C8orf34: variants seen among roughly 807,000 people sequenced by gnomAD.
C8orf34 encodes chromosome 8 open reading frame 34.
A neutral mutation model predicts 68.3 loss-of-function variants in C8orf34; 65 were observed. That is an observed-to-expected ratio of 0.95 (90% CI 0.78 to 1.17). C8orf34 has a LOEUF of 1.17. C8orf34 is among the 50% of genes most tolerant of loss of function. The probability of loss-of-function intolerance (pLI) is 0.00; values close to 1 mark genes in which losing one functional copy is unlikely to be tolerated. For synonymous variants in C8orf34, 244 were observed against 241.2 expected (o/e 1.01, Z -0.11); for missense variants, 664 against 655.4 (o/e 1.01, Z -0.14).
intron 7 of C8orf34, among the ~76,000 whole-genome samples, chr8:68,621,747 G>A (rs1818395378): frequency 6.6e-6 from 1 of 152,150 alleles, no homozygotes; most frequent in South Asian, 2.1e-4. Context: ...GTTAGTCAAG[G>A]CAAAACTGCT....
At chr8:68,694,094 T>A (rs1005426661) in intron 8 of C8orf34, among the ~76,000 whole-genome samples, 2 of 152,082 alleles carry the variant, frequency 1.3e-5, no homozygotes, top group Non-Finnish European at 2.9e-5. Flanking sequence ...AAGCACCTCT[T>A]ATTAGGATTT....
At chr8:68,815,628 G>C (rs1333658145) in intron 12 of C8orf34, among the ~76,000 whole-genome samples, 1 of 152,156 alleles carries the variant, frequency 6.6e-6, no homozygotes, top group African/African-American at 2.4e-5. Context: ...AACACTATCT[G>C]GAGGGGCATT....
intron 6 of C8orf34, among the ~76,000 whole-genome samples, chr8:68,526,804 G>C (rs1428310866): frequency 1.3e-5 from 2 of 152,002 alleles, no homozygotes; most frequent in Admixed American, 6.6e-5. Context: ...CATGGAATCA[G>C]ATCAAACTAA....
intron 7 of C8orf34, among the ~76,000 whole-genome samples, chr8:68,538,655 T>C (rs925080699): frequency 6.6e-6 from 1 of 152,070 alleles, no homozygotes; most frequent in Non-Finnish European, 1.5e-5. Context: ...CAAAAATGTA[T>C]GTTTCCCACA....
At chr8:68,514,514 G>T (rs1377769644) in intron 5 of C8orf34, among the ~76,000 whole-genome samples, 1 of 152,028 alleles carries the variant, frequency 6.6e-6, no homozygotes, top group African/African-American at 2.4e-5. Flanking sequence ...CCCTTCTGAT[G>T]GTTTCTCTTC....
At chr8:68,446,080 G>A (rs561719638) in intron 2 of C8orf34, among the ~76,000 whole-genome samples, 3 of 152,176 alleles carry the variant, frequency 2.0e-5, no homozygotes, top group Admixed American at 6.5e-5. Flanking sequence ...GAACCACTGC[G>A]CCCAGCCAAT....
intron 12 of C8orf34, among the ~76,000 whole-genome samples, chr8:68,797,192 A>G (rs1585898793): frequency 6.6e-6 from 1 of 152,198 alleles, no homozygotes; most frequent in African/African-American, 2.4e-5. Flanking sequence ...TGCAGAATCT[A>G]TTAATTTTTG....
At chr8:68,470,874 G>A (rs143786747) in intron 4 of C8orf34, among the ~76,000 whole-genome samples, 25 of 152,176 alleles carry the variant, frequency 1.6e-4, no homozygotes, top group South Asian at 1.4e-3. Context: ...CCATCACATT[G>A]CGGATTAGAG....
chr8:68,781,303 G>A (rs1823671668), intron 11 of C8orf34, among the ~76,000 whole-genome samples: 1 of 152,124 alleles, frequency 6.6e-6, no homozygotes, highest in African/African-American at 2.4e-5. Flanking sequence ...CACTTATTCT[G>A]TTAGCAGATA....
At chr8:68,392,880 AG>A (rs1808531567) in intron 1 of C8orf34, among the ~76,000 whole-genome samples, 1 of 152,164 alleles carries the variant, frequency 6.6e-6, no homozygotes, top group Non-Finnish European at 1.5e-5. Context: ...AAAAAGCCTA[AG>A]GATTGAATGT....
chr8:68,768,307 G>A (rs748837041), intron 10 of C8orf34, among the ~76,000 whole-genome samples: 48 of 152,136 alleles, frequency 3.2e-4, no homozygotes, highest in Admixed American at 5.2e-4. Flanking sequence ...GGAATCAGCC[G>A]TGTTTTGAAA....
rs189555823 is a variant in C8orf34 at position 68,427,072 on chromosome 8, C to T, written c.328-12427C>T. Among the ~76,000 whole-genome samples the T allele has an allele frequency of 4.7e-4, 71 of 152,154 alleles. 2 individuals carry two copies. Among genetic ancestry groups the T allele is most frequent in the African/African-American group, 1.7e-3 (70 of 41,502 alleles). ...AAAGATGTAAGAATGGGCAAAATTA[C>T]GTATATATTGCAGATGTGAATGTAA... On this transcript the variant is annotated intron_variant, in intron 1 of 13. Transcript: ENST00000518698.
chr8:68,522,819 A>T (rs955045848), intron 6 of C8orf34, among the ~76,000 whole-genome samples: 3 of 152,176 alleles, frequency 2.0e-5, no homozygotes, highest in Non-Finnish European at 2.9e-5. Context: ...ATGTGACAGG[A>T]GTTTAAGCTT....
At chr8:68,408,398 G>A (rs534224179) in intron 1 of C8orf34, among the ~76,000 whole-genome samples, 2 of 151,704 alleles carry the variant, frequency 1.3e-5, no homozygotes, top group African/African-American at 2.4e-5. Context: ...AACCATCCCC[G>A]CCACACACCC....
chr8:68,510,644 A>T (rs1446080804), intron 5 of C8orf34, among the ~76,000 whole-genome samples: 1 of 152,224 alleles, frequency 6.6e-6, no homozygotes, highest in Non-Finnish European at 1.5e-5. Context: ...TGAGAAAAAA[A>T]ATCATAATAG....
At chr8:68,368,598 TG>T (rs1261080328) in intron 1 of C8orf34, among the ~76,000 whole-genome samples, 1 of 152,174 alleles carries the variant, frequency 6.6e-6, no homozygotes, top group Non-Finnish European at 1.5e-5. Flanking sequence ...TTAGCTTTTT[TG>T]TGTTAGGTAC....
chr8:68,753,103 T>G (rs1822754310), intron 10 of C8orf34, among the ~76,000 whole-genome samples: 1 of 152,156 alleles, frequency 6.6e-6, no homozygotes, highest in African/African-American at 2.4e-5. Context: ...GAAGGAAAGC[T>G]TAAAAGAAAA....
intron 12 of C8orf34, chr8:68,791,796 T>G (rs1824001417): frequency 6.6e-6 from 1 of 152,186 alleles, no homozygotes; most frequent in Non-Finnish European, 1.5e-5. Flanking sequence ...ATTGAGATGA[T>G]GACACGGTAT....
chr8:68,753,812 C>T (rs963831851), intron 10 of C8orf34, among the ~76,000 whole-genome samples: 3 of 152,168 alleles, frequency 2.0e-5, no homozygotes, highest in Non-Finnish European at 4.4e-5. Flanking sequence ...GTGTGAATAA[C>T]ATCCTCCATA....
Sources: allele counts gnomAD v4.1 joint callset (sites outside exome capture counted in the v4.1 genomes callset), GRCh38; gene constraint gnomAD v4.1.1; transcripts MANE v1.5; gene names NCBI Gene and HGNC (gene_info 2026-07-23, HGNC 2026-07-21).